Variants in GLIS1 observed in about 807,000 individuals in gnomAD.
GLIS1 encodes the protein zinc finger protein GLIS1.
Under a neutral mutation model 63.8 loss-of-function variants are expected in GLIS1, and 24 were observed. The ratio of observed to expected loss-of-function variants is 0.38; its 90% confidence interval spans 0.27 to 0.53. The LOEUF is 0.53. Among genes scored for constraint, GLIS1 ranks in the 20% least tolerant of loss-of-function variants. The pLI is 0.85. For missense variants in GLIS1, 1,036 were observed against 1,074.1 expected (o/e 0.96, Z 0.50); for synonymous variants, 450 against 482.5 (o/e 0.93, Z 0.88).
intron 4 of GLIS1, among the ~76,000 whole-genome samples, chr1:53,532,801 T>A (rs1411583964): frequency 1.3e-5 from 2 of 152,230 alleles, no homozygotes; most frequent in Non-Finnish European, 2.9e-5. Flanking sequence ...ATACATCATC[T>A]TCTCCCCGAG....
chr1:53,646,911 G>GGGAAGGAAGGAA lies in GLIS1; in HGVS notation c.260-46645_260-46634dup, dbSNP rs199632740. ...GAAGGGAAGGAAGGAAAGGAAGGAAGGGAAGGAAGGAAGGAAGGAAAGAAG... is the reference window on the plus strand; with the variant it reads ...GAAGGGAAGGAAGGAAAGGAAGGAAGGGAAGGAAGGAAGGAAGGAAGGAAGGAAGGAAAGAAG... On this transcript the variant is annotated intron_variant, in intron 2 of 10. Transcript: ENST00000628545. The surrounding 1 kb of genome is among the most constrained non-coding windows in gnomAD (Gnocchi z 4.2). Among the ~76,000 whole-genome samples the GGGAAGGAAGGAA allele has an allele frequency of 2.1e-5, 3 of 142,650 alleles. No homozygotes were observed. In the South Asian group the frequency reaches 6.9e-4, roughly 33 times the overall value. 93.6% of individuals were successfully genotyped at this position (142,650 alleles called of 152,430 possible).
chr1:53,554,906 G>A (rs1230683278), intron 4 of GLIS1, among the ~76,000 whole-genome samples: 1 of 152,186 alleles, frequency 6.6e-6, no homozygotes, highest in Non-Finnish European at 1.5e-5. Flanking sequence ...GAGGTGTGGA[G>A]CCATTCTCTG....
rs372146690 is a variant in GLIS1 at position 53,506,601 on chromosome 1, G to A, written c.*18C>T. On this transcript the variant is annotated 3_prime_UTR_variant, in exon 11 of 11. Transcript: ENST00000628545. ...GGCATCTGCAGTGCTGGATGGGCAG[G>A]CGCATGTGGGGGCTCCTTCAGGTGT... The A allele has an allele frequency of 4.5e-5, 72 of 1,612,374 alleles. No homozygotes were observed. In the African/African-American group the frequency reaches 9.2e-4, roughly 21 times the overall value.
At chr1:53,722,175 T>C (rs991211592) in intron 2 of GLIS1, among the ~76,000 whole-genome samples, 3 of 152,232 alleles carry the variant, frequency 2.0e-5, no homozygotes, top group Non-Finnish European at 4.4e-5. Context: ...ATGCCTGCAG[T>C]TGTGAAAATC....
chr1:53,577,079 C>T (rs1024994418), intron 4 of GLIS1, among the ~76,000 whole-genome samples: 2 of 151,478 alleles, frequency 1.3e-5, no homozygotes, highest in Admixed American at 1.3e-4. Flanking sequence ...ATGCTGATGT[C>T]CCCTGTGGGT....
At chr1:53,736,138 C>CA (rs1289485993) in intron 2 of GLIS1, among the ~76,000 whole-genome samples, 1 of 152,208 alleles carries the variant, frequency 6.6e-6, no homozygotes, top group African/African-American at 2.4e-5. Context: ...AAAGCTTCAC[C>CA]AGAGAGACCA....
chr1:53,677,875 T>C (rs977343921), intron 2 of GLIS1, among the ~76,000 whole-genome samples: 1 of 152,212 alleles, frequency 6.6e-6, no homozygotes, highest in African/African-American at 2.4e-5. Context: ...CCCATCTCAC[T>C]GCTGCGAGGC....
At chr1:53,689,653 C>T (rs149974711) in intron 2 of GLIS1, among the ~76,000 whole-genome samples, 5 of 152,304 alleles carry the variant, frequency 3.3e-5, no homozygotes, top group Admixed American at 3.3e-4. Flanking sequence ...TGGCCACAGG[C>T]AGTACCAATG....
intron 4 of GLIS1, among the ~76,000 whole-genome samples, chr1:53,585,513 A>G (rs1052601528): frequency 4.2e-5 from 6 of 143,420 alleles, no homozygotes; most frequent in African/African-American, 1.3e-4. Context: ...AGGGATGGAG[A>G]TAAGTAGAAA....
At chr1:53,654,633 C>T (rs1445404481) in intron 2 of GLIS1, among the ~76,000 whole-genome samples, 1 of 152,230 alleles carries the variant, frequency 6.6e-6, no homozygotes, top group African/African-American at 2.4e-5. Flanking sequence ...GGGGGAAACT[C>T]GGAGAGCGCA....
intron 2 of GLIS1, among the ~76,000 whole-genome samples, chr1:53,690,005 C>T (rs77734892): frequency 0.016 from 2,396 of 152,338 alleles, 58 homozygotes; most frequent in African/African-American, 0.055. Flanking sequence ...AAATGAAGCT[C>T]TCTCACACCT....
chr1:53,680,394 C>T (rs1646261546), intron 2 of GLIS1, among the ~76,000 whole-genome samples: 1 of 152,172 alleles, frequency 6.6e-6, no homozygotes, highest in African/African-American at 2.4e-5. Context: ...TGGTGCCCAC[C>T]ACTCAGTGGC....
At chr1:53,578,821 A>G (rs767209829) in intron 4 of GLIS1, among the ~76,000 whole-genome samples, 3 of 152,232 alleles carry the variant, frequency 2.0e-5, no homozygotes, top group Non-Finnish European at 4.4e-5. Context: ...AATCAACTGT[A>G]ACAGAAGGGA....
At chr1:53,524,670 C>A (rs1644445808) in intron 6 of GLIS1, 107 bp downstream of exon 6, 1 of 758,558 alleles carries the variant, frequency 1.3e-6, no homozygotes, top group South Asian at 1.6e-5. Flanking sequence ...CAGTGGCATA[C>A]AGGGCGAGTG....
rs984810393 is a variant in GLIS1, at chr1:53,689,262, A to G, written c.259+48544T>C. On this transcript the variant is annotated intron_variant, in intron 2 of 10. Coordinates refer to ENST00000628545, the MANE Select transcript of GLIS1 (RefSeq NM_001367484.1). ...GCGAAGCAGGGGCCAGTGGACATAC[A>G]GAGAAGCCACAGCCCAGTCAGAGGG... 4.6e-5 allele frequency among the ~76,000 whole-genome samples: 7 copies of G among 152,198 alleles called. 1 individual carries two copies. The highest frequency in any genetic ancestry group is 6.5e-5 in the Admixed American group (1 of 15,286).
At chr1:53,591,353 A>G (rs1195922246) in intron 4 of GLIS1, among the ~76,000 whole-genome samples, 1 of 152,144 alleles carries the variant, frequency 6.6e-6, no homozygotes, top group Non-Finnish European at 1.5e-5. Context: ...CGAAGCCCAG[A>G]TCACTGCTGC....
chr1:53,523,444 T>C (rs1644432070), intron 6 of GLIS1, among the ~76,000 whole-genome samples: 1 of 152,196 alleles, frequency 6.6e-6, no homozygotes, highest in Non-Finnish European at 1.5e-5. Flanking sequence ...GCCTCTGCTG[T>C]TTCATTCCTG....
intron 2 of GLIS1, among the ~76,000 whole-genome samples, chr1:53,725,221 C>T (rs1296401245): frequency 6.6e-6 from 1 of 152,174 alleles, no homozygotes; most frequent in African/African-American, 2.4e-5. Flanking sequence ...GCAACAGGTA[C>T]AAGAAAAGGG....
At chr1:53,665,483 T>TC (rs1459998729) in intron 2 of GLIS1, among the ~76,000 whole-genome samples, 1 of 151,392 alleles carries the variant, frequency 6.6e-6, no homozygotes, top group Non-Finnish European at 1.5e-5. Context: ...GTAGATGAGA[T>TC]CAAGACAGCA....
Sources: allele counts gnomAD v4.1 joint callset (sites outside exome capture counted in the v4.1 genomes callset), GRCh38; gene constraint gnomAD v4.1.1; non-coding constraint Gnocchi (gnomAD v3.1); transcripts MANE v1.5; gene names NCBI Gene and HGNC (gene_info 2026-07-23, HGNC 2026-07-21).